The following PHTF2 variants were observed in gnomAD, a reference collection of about 807,000 sequenced individuals.
The protein encoded by PHTF2 is putative homeodomain transcription factor 2.
Under a neutral mutation model 101.2 loss-of-function variants are expected in PHTF2, and 60 were observed. The ratio of observed to expected loss-of-function variants is 0.59; its 90% CI spans 0.48 to 0.73. PHTF2 has a LOEUF of 0.73. Ranked by LOEUF, PHTF2 falls within the 30% of genes least tolerant of loss-of-function variation. The probability of loss-of-function intolerance (pLI) is 0.00; values close to 1 mark genes in which losing one functional copy is unlikely to be tolerated. For missense variants in PHTF2, 747 were observed against 908.7 expected (o/e 0.82, Z 2.29); for synonymous variants, 311 against 307.3 (o/e 1.01, Z -0.13).
At chr7:77,887,185 C>T (rs563617082) in intron 3 of PHTF2, among the ~76,000 whole-genome samples, 1 of 149,656 alleles carries the variant, frequency 6.7e-6, no homozygotes, top group East Asian at 1.9e-4. Flanking sequence ...TATATATTTA[C>T]ATATATTTAA....
chr7:77,850,360 C>CAAAAAAAAAAAAAAA lies in PHTF2; in HGVS notation c.46-4362_46-4348dup, dbSNP rs71082789. On this transcript the variant is annotated intron_variant, in intron 2 of 19. Coordinates refer to ENST00000416283, the Ensembl canonical transcript of PHTF2. Reference sequence around the variant, plus strand: ...TGAAAGACAAAGCAAGACCTTGTCTCAAAAAAAAAAAAAAAAAAAAAAAAA... The same window carrying CAAAAAAAAAAAAAAA: ...TGAAAGACAAAGCAAGACCTTGTCTCAAAAAAAAAAAAAAAAAAAAAAAAAAAAAAAAAAAAAAAA... Among the ~76,000 whole-genome samples the CAAAAAAAAAAAAAAA allele has an allele frequency of 1.0e-3, 45 of 44,390 alleles. 1 individual carries two copies. Among genetic ancestry groups the CAAAAAAAAAAAAAAA allele is most frequent in the African/African-American group, 1.3e-3 (15 of 11,566 alleles). 29.1% of individuals were successfully genotyped at this position (44,390 alleles called of 152,430 possible).
intron 1 of PHTF2, among the ~76,000 whole-genome samples, chr7:77,799,587 A>G (rs1792368730): frequency 6.6e-6 from 1 of 152,178 alleles, no homozygotes; most frequent in Admixed American, 6.5e-5. Context: ...TGGAAACAAT[A>G]CCGTGCTCCA....
chr7:77,837,278 A>C (rs1187184406), intron 1 of PHTF2, among the ~76,000 whole-genome samples: 2 of 152,214 alleles, frequency 1.3e-5, no homozygotes, highest in African/African-American at 4.8e-5. Flanking sequence ...CTATCATGAC[A>C]ATACAGTCTA....
chr7:77,907,833 A>C (rs1164372235), intron 7 of PHTF2: 2 of 152,184 alleles, frequency 1.3e-5, no homozygotes, highest in Non-Finnish European at 2.9e-5. Context: ...AAAATCTTAT[A>C]ATATTTACAT....
intron 3 of PHTF2, among the ~76,000 whole-genome samples, chr7:77,875,120 G>T (rs960479277): frequency 2.6e-5 from 4 of 152,022 alleles, no homozygotes; most frequent in African/African-American, 9.7e-5. Flanking sequence ...TTGTAGGATT[G>T]TTTTTTTCTA....
intron 2 of PHTF2, among the ~76,000 whole-genome samples, chr7:77,845,133 T>C (rs1796175828): frequency 6.6e-6 from 1 of 152,196 alleles, no homozygotes; most frequent in Non-Finnish European, 1.5e-5. Context: ...ACTTATCTTT[T>C]GGAAGTTATT....
chr7:77,905,753 C>T (rs1562935115), intron 7 of PHTF2, among the ~76,000 whole-genome samples: 1 of 152,128 alleles, frequency 6.6e-6, no homozygotes, highest in Non-Finnish European at 1.5e-5. Context: ...CCGCCTCAGC[C>T]TGTCAGAGTG....
chr7:77,952,990 G>A (rs1562980991), intron 18 of PHTF2, among the ~76,000 whole-genome samples: 1 of 152,096 alleles, frequency 6.6e-6, no homozygotes, highest in Non-Finnish European at 1.5e-5. Flanking sequence ...TCTTGCTTCT[G>A]ATCTCATTGC....
At chr7:77,892,993 T>C (rs576249224) in intron 3 of PHTF2, among the ~76,000 whole-genome samples, 1 of 152,322 alleles carries the variant, frequency 6.6e-6, no homozygotes, top group East Asian at 1.9e-4. Flanking sequence ...TGGAAGTTTT[T>C]CCCCAAATAT....
intron 16 of PHTF2, among the ~76,000 whole-genome samples, chr7:77,947,837 C>CTTTTTTTCTTTTT (rs1806199565): frequency 1.4e-5 from 1 of 73,806 alleles, no homozygotes; most frequent in Non-Finnish European, 2.4e-5. Context: ...TTTTTTCTTT[C>CTTTTTTTCTTTTT]TTTTTTTTTT....
In PHTF2 at chr7:77,834,333, AAAT is replaced by A. The variant is rs1267214968; in HGVS notation, c.-35-5887_-35-5885del. On this transcript the variant is annotated intron_variant, in intron 1 of 19. Transcript: ENST00000416283. ...GTCTCAAAAAAAAAAAAAAAAAAAA[AAAT>A]TTTAAACGGAAGGAAGAAGCAGTTC... Among the ~76,000 whole-genome samples the A allele has an allele frequency of 8.0e-5, 12 of 149,372 alleles. No homozygotes were observed. The East Asian group carries it at 1.6e-3, about 20-fold the overall frequency.
At chr7:77,831,562 G>A (rs943885610) in intron 1 of PHTF2, among the ~76,000 whole-genome samples, 1 of 152,206 alleles carries the variant, frequency 6.6e-6, no homozygotes, top group Non-Finnish European at 1.5e-5. Flanking sequence ...GTCTACTGAC[G>A]TTGACAACAA....
chr7:77,840,742 T>G (rs1325345244), intron 2 of PHTF2, among the ~76,000 whole-genome samples: 1 of 152,022 alleles, frequency 6.6e-6, no homozygotes, highest in Non-Finnish European at 1.5e-5. Flanking sequence ...AAAGTGTTTA[T>G]TTTGATGTTT....
At chr7:77,902,172 A>G (rs1801455878) in intron 7 of PHTF2, among the ~76,000 whole-genome samples, 1 of 152,202 alleles carries the variant, frequency 6.6e-6, no homozygotes, top group South Asian at 2.1e-4. Context: ...TAAAATTAGA[A>G]AAAAAACCTC....
chr7:77,816,437 A>C (rs536741581), intron 1 of PHTF2, among the ~76,000 whole-genome samples: 7 of 152,268 alleles, frequency 4.6e-5, no homozygotes, highest in South Asian at 2.1e-4. Flanking sequence ...TACATGTTTC[A>C]TTTTGCTCAA....
intron 9 of PHTF2, among the ~76,000 whole-genome samples, chr7:77,920,006 AG>A (rs1436592946): frequency 6.6e-6 from 1 of 152,214 alleles, no homozygotes; most frequent in Non-Finnish European, 1.5e-5. Context: ...TTCAAAGACC[AG>A]ATGATTTACT....
chr7:77,816,530 T>A (rs1793869326), intron 1 of PHTF2, among the ~76,000 whole-genome samples: 1 of 152,376 alleles, frequency 6.6e-6, no homozygotes, highest in South Asian at 2.1e-4. Flanking sequence ...GATGTTTCAG[T>A]ACATGTAATG....
intron 19 of PHTF2, among the ~76,000 whole-genome samples, chr7:77,954,373 A>G (rs1262226931): frequency 6.6e-6 from 1 of 152,052 alleles, no homozygotes; most frequent in Non-Finnish European, 1.5e-5. Flanking sequence ...ACCTCAAGTG[A>G]TACACCCACC....
chr7:77,919,353 T>A (rs1370338468), intron 9 of PHTF2, among the ~76,000 whole-genome samples: 2 of 152,224 alleles, frequency 1.3e-5, no homozygotes, highest in Non-Finnish European at 2.9e-5. Flanking sequence ...TATACTATTT[T>A]TATTTTTCCT....
Sources: gnomAD v4.1 joint callset for allele counts (sites outside exome capture counted in the v4.1 genomes callset) on GRCh38, gnomAD v4.1.1 for gene constraint, MANE v1.5 for transcripts, NCBI Gene and HGNC (gene_info 2026-07-23, HGNC 2026-07-21) for gene names.